The following IGF2BP2 variants were observed in gnomAD, a reference collection of about 807,000 sequenced individuals.
IGF2BP2 encodes the protein insulin-like growth factor 2 mRNA-binding protein 2.
A neutral mutation model predicts 75.8 loss-of-function variants in IGF2BP2; 17 were observed. The observed-to-expected ratio is 0.22, with a 90% CI of 0.15 to 0.34. IGF2BP2 has a LOEUF of 0.34. Ranked by LOEUF, IGF2BP2 falls within the 10% of genes least tolerant of loss-of-function variation. The pLI is 1.00. For missense variants in IGF2BP2, 516 were observed against 772.4 expected, an observed-to-expected ratio of 0.67 and a Z score of 3.93; for synonymous variants, 288 against 295.6, an observed-to-expected ratio of 0.97 and a Z score of 0.26.
intron 2 of IGF2BP2, among the ~76,000 whole-genome samples, chr3:185,760,293 T>C (rs1429092642): frequency 6.6e-6 from 1 of 152,198 alleles, no homozygotes; most frequent in Non-Finnish European, 1.5e-5. Context: ...GTGCATTTTG[T>C]GGAAGACAAG....
intron 2 of IGF2BP2, among the ~76,000 whole-genome samples, chr3:185,796,524 C>T (rs1180835519): frequency 7.3e-6 from 1 of 137,256 alleles, no homozygotes; most frequent in Non-Finnish European, 1.5e-5. Flanking sequence ...GAGATCACAC[C>T]ACTGCACTCC....
chr3:185,735,551 C>T (rs1463597938), intron 2 of IGF2BP2, among the ~76,000 whole-genome samples: 1 of 152,206 alleles, frequency 6.6e-6, no homozygotes, highest in African/African-American at 2.4e-5. Context: ...GCTTTTATGA[C>T]AGTGTTTGGC....
At chr3:185,726,556 T>C in intron 2 of IGF2BP2, among the ~76,000 whole-genome samples, 1 of 152,250 alleles carries the variant, frequency 6.6e-6, no homozygotes, top group East Asian at 1.9e-4. Context: ...TAAAGTGCTT[T>C]GAGTTCTCTG....
At chr3:185,791,433 ACATTTCT>A (rs1045961388) in intron 2 of IGF2BP2, among the ~76,000 whole-genome samples, 8 of 152,284 alleles carry the variant, frequency 5.3e-5, no homozygotes, top group African/African-American at 1.4e-4. Context: ...CTCGAAAAAG[ACATTTCT>A]TGAGAAACTG....
intron 2 of IGF2BP2, among the ~76,000 whole-genome samples, chr3:185,721,648 T>C (rs1726565407): frequency 6.6e-6 from 1 of 152,112 alleles, no homozygotes; most frequent in Admixed American, 6.5e-5. Context: ...GCTGGTTTCC[T>C]CCAGACTAAT....
chr3:185,645,276 C>T lies in IGF2BP2; in HGVS notation c.*255G>A. 1 of 538,322 alleles carries T rather than the reference C, an allele frequency of 1.9e-6. No homozygotes were observed. The highest frequency in any genetic ancestry group is 3.1e-5 in the Admixed American group (1 of 32,188). 33.3% of individuals were successfully genotyped at this position (538,322 alleles called of 1,614,324 possible). On this transcript the variant is annotated 3_prime_UTR_variant, in exon 16 of 16. Transcript: ENST00000382199. This position sits in a 1 kb window ranked among gnomAD's most constrained non-coding sequence, Gnocchi z 4.9. ...TCCGAGTGGATGGTGAAGTGGATGG[C>T]TGAAGCCTGCAGAAGCCCTGGGGGG...
chr3:185,703,701 G>A (rs1723619669), intron 2 of IGF2BP2, among the ~76,000 whole-genome samples: 1 of 152,126 alleles, frequency 6.6e-6, no homozygotes, highest in South Asian at 2.1e-4. Flanking sequence ...TTGAACCTGG[G>A]AGGTGGAGGC....
intron 2 of IGF2BP2, among the ~76,000 whole-genome samples, chr3:185,727,973 G>A (rs902034307): frequency 1.3e-5 from 2 of 152,092 alleles, no homozygotes; most frequent in Non-Finnish European, 2.9e-5. Context: ...CTCAACAGTC[G>A]TGAGTTCAAC....
At chr3:185,675,997 A>G in intron 7 of IGF2BP2, 84 bp from the exon 8 acceptor site, 1 of 1,527,176 alleles carries the variant, frequency 6.5e-7, no homozygotes. Context: ...TTTTTCTTAT[A>G]AATGGAAGTC....
chr3:185,774,603 AAAAAG>A (rs1189872420), intron 2 of IGF2BP2, among the ~76,000 whole-genome samples: 6 of 151,074 alleles, frequency 4.0e-5, no homozygotes, highest in Non-Finnish European at 5.9e-5. Context: ...TCAAAAAAAA[AAAAAG>A]AAAAGAAAAG....
intron 2 of IGF2BP2, among the ~76,000 whole-genome samples, chr3:185,804,379 C>G (rs967558574): frequency 6.6e-6 from 1 of 151,334 alleles, no homozygotes; most frequent in Non-Finnish European, 1.5e-5. Context: ...TTGCAGTGAG[C>G]TGAGATCGCG....
chr3:185,773,616 G>A (rs1265266266), intron 2 of IGF2BP2, among the ~76,000 whole-genome samples: 3 of 152,138 alleles, frequency 2.0e-5, no homozygotes, highest in African/African-American at 7.2e-5. Context: ...GGAAGGCCAA[G>A]GAGGGGTTTA....
intron 7 of IGF2BP2, among the ~76,000 whole-genome samples, chr3:185,682,035 G>A (rs1271398717): frequency 6.6e-6 from 1 of 151,472 alleles, no homozygotes; most frequent in Non-Finnish European, 1.5e-5. Context: ...AAAAGCATAG[G>A]CAACAAAAGC....
intron 9 of IGF2BP2, among the ~76,000 whole-genome samples, chr3:185,674,493 AT>A (rs1719002757): frequency 6.6e-6 from 1 of 152,148 alleles, no homozygotes. Flanking sequence ...GTGTCTCCCC[AT>A]TAAGAGTAAA....
chr3:185,790,094 T>A (rs959340878), intron 2 of IGF2BP2, among the ~76,000 whole-genome samples: 1 of 152,150 alleles, frequency 6.6e-6, no homozygotes, highest in Non-Finnish European at 1.5e-5. Flanking sequence ...ACAATGTGCA[T>A]CATCCCAGAA....
chr3:185,778,876 C>T (rs966204106), intron 2 of IGF2BP2, among the ~76,000 whole-genome samples: 2 of 152,158 alleles, frequency 1.3e-5, no homozygotes, highest in African/African-American at 4.8e-5. Context: ...GACCTCAAAA[C>T]CTTACATAAC....
At chr3:185,739,400 T>C (rs997003061) in intron 2 of IGF2BP2, among the ~76,000 whole-genome samples, 2 of 152,236 alleles carry the variant, frequency 1.3e-5, no homozygotes, top group African/African-American at 4.8e-5. Context: ...TCAATTATTT[T>C]CTTTTAAACT....
intron 2 of IGF2BP2, among the ~76,000 whole-genome samples, chr3:185,774,148 C>T (rs1030238602): frequency 6.6e-6 from 1 of 152,152 alleles, no homozygotes; most frequent in Non-Finnish European, 1.5e-5. Context: ...CTCATCCTTA[C>T]TCCAGTTCAT....
rs567869182 is a variant in IGF2BP2 at position 185,658,530 on chromosome 3, G to A, written c.1201-121C>T. On this transcript the variant is annotated intron_variant, in intron 10 of 15. Transcript: ENST00000382199. ...TGTGGCATCAGCTGGCTCCACTGTC[G>A]TGTCTACACGCCTGTCCCTCTGTGT... The A allele has an allele frequency of 3.4e-4, 253 of 733,824 alleles. No individual in the cohort carries two copies. In the African/African-American group the frequency reaches 3.6e-3, roughly 10 times the overall value. 45.5% of individuals were successfully genotyped at this position (733,824 alleles called of 1,614,324 possible).
Sources: allele counts gnomAD v4.1 joint callset (sites outside exome capture counted in the v4.1 genomes callset), GRCh38; gene constraint gnomAD v4.1.1; non-coding constraint Gnocchi (gnomAD v3.1); transcripts MANE v1.5; gene names NCBI Gene and HGNC (gene_info 2026-07-23, HGNC 2026-07-21).